The following CNTNAP2 variants were observed in gnomAD, a reference collection of about 807,000 sequenced individuals.
The protein encoded by CNTNAP2 is contactin-associated protein-like 2.
CNTNAP2 carries 98 observed loss-of-function variants against 155.2 expected under a neutral mutation model. The ratio of observed to expected loss-of-function variants is 0.63; its 90% confidence interval spans 0.54 to 0.75. The LOEUF is 0.75. CNTNAP2 is among the 30% of genes least tolerant of loss of function. The pLI is 0.00. For missense variants in CNTNAP2, 1,727 were observed against 1,688.1 expected, an observed-to-expected ratio of 1.02 and a Z score of -0.40; for synonymous variants, 651 against 631.2, an observed-to-expected ratio of 1.03 and a Z score of -0.47.
chr7:146,569,168 C>G (rs557589756), intron 1 of CNTNAP2, among the ~76,000 whole-genome samples: 1 of 152,134 alleles, frequency 6.6e-6, no homozygotes, highest in South Asian at 2.1e-4. Flanking sequence ...AGGCGCCCAC[C>G]ACCACGCCCG....
chr7:147,063,946 T>C (rs972395936), intron 4 of CNTNAP2, among the ~76,000 whole-genome samples: 2 of 152,134 alleles, frequency 1.3e-5, no homozygotes, highest in African/African-American at 2.4e-5. Flanking sequence ...ATATGTAAGT[T>C]AGCTAAGAAT....
chr7:146,613,568 A>G (rs1799175065), intron 1 of CNTNAP2, among the ~76,000 whole-genome samples: 1 of 151,796 alleles, frequency 6.6e-6, no homozygotes, highest in East Asian at 1.9e-4. Context: ...GTAAAAAAAG[A>G]TAAAATTAAT....
intron 8 of CNTNAP2, among the ~76,000 whole-genome samples, chr7:147,190,014 G>A (rs1802650730): frequency 6.6e-6 from 1 of 152,052 alleles, no homozygotes; most frequent in Admixed American, 6.6e-5. Flanking sequence ...AAAGAGCTAG[G>A]ATTACAGGTG....
intron 1 of CNTNAP2, among the ~76,000 whole-genome samples, chr7:146,731,557 T>C (rs1373887938): frequency 6.6e-6 from 1 of 152,090 alleles, no homozygotes; most frequent in African/African-American, 2.4e-5. Context: ...CAAGAAACCT[T>C]TCATAAATCT....
intron 8 of CNTNAP2, among the ~76,000 whole-genome samples, chr7:147,291,291 G>C (rs1230982638): frequency 2.0e-5 from 3 of 151,988 alleles, no homozygotes; most frequent in Non-Finnish European, 4.4e-5. Flanking sequence ...ACATGCATGA[G>C]GTATTTGTCC....
intron 20 of CNTNAP2, among the ~76,000 whole-genome samples, chr7:148,239,215 G>A (rs945110638): frequency 2.6e-5 from 4 of 152,196 alleles, no homozygotes; most frequent in Non-Finnish European, 5.9e-5. Context: ...TTCCCTTCCA[G>A]AAGAACTTTT....
At chr7:146,331,319 A>T (rs866970590) in intron 1 of CNTNAP2, among the ~76,000 whole-genome samples, 28 of 104,120 alleles carry the variant, frequency 2.7e-4, no homozygotes, top group East Asian at 1.5e-3. Flanking sequence ...AAAAAAAAAT[A>T]AAAATAACCA....
intron 1 of CNTNAP2, among the ~76,000 whole-genome samples, chr7:146,258,067 T>C (rs571487182): frequency 6.6e-6 from 1 of 152,076 alleles, no homozygotes; most frequent in African/African-American, 2.4e-5. Flanking sequence ...AATTTTTGTA[T>C]TTTCAGTAGA....
At chr7:147,219,460 G>A (rs557179365) in intron 8 of CNTNAP2, among the ~76,000 whole-genome samples, 7 of 152,262 alleles carry the variant, frequency 4.6e-5, no homozygotes, top group South Asian at 2.1e-4. Flanking sequence ...CTGATGTTCC[G>A]AGGGCAAGAA....
At chr7:148,373,842 G>A (rs1461362197) in intron 21 of CNTNAP2, among the ~76,000 whole-genome samples, 1 of 152,206 alleles carries the variant, frequency 6.6e-6, no homozygotes, top group African/African-American at 2.4e-5. Flanking sequence ...AGGCCTCCCA[G>A]TGGGTCTCCG....
chr7:147,803,409 C>G (rs1473004129), intron 13 of CNTNAP2, among the ~76,000 whole-genome samples: 3 of 152,160 alleles, frequency 2.0e-5, no homozygotes, highest in African/African-American at 4.8e-5. Context: ...GGTCACTCTG[C>G]CCGTGGACCT....
intron 3 of CNTNAP2, among the ~76,000 whole-genome samples, chr7:147,004,205 CAT>C (rs1435736408): frequency 1.9e-5 from 2 of 103,034 alleles, no homozygotes; most frequent in South Asian, 6.1e-4. Context: ...ACTTAAAACT[CAT>C]ATACCAAAAA....
At chr7:148,171,779 A>T (rs555204329) in intron 17 of CNTNAP2, among the ~76,000 whole-genome samples, 1 of 152,346 alleles carries the variant, frequency 6.6e-6, no homozygotes, top group African/African-American at 2.4e-5. Context: ...AAGAACCAAG[A>T]TCTACAATCA....
At chr7:148,212,737 G>A (rs10271824) in intron 18 of CNTNAP2, among the ~76,000 whole-genome samples, 10,057 of 152,210 alleles carry the variant, frequency 0.066, 553 homozygotes, top group African/African-American at 0.15. Flanking sequence ...TTTAGATATT[G>A]CAGTACCCTG....
chr7:148,222,109 G>T (rs945382822), intron 19 of CNTNAP2, among the ~76,000 whole-genome samples: 5 of 152,114 alleles, frequency 3.3e-5, no homozygotes, highest in African/African-American at 9.7e-5. Flanking sequence ...ACAGCCGTGG[G>T]CTTCAGCTTG....
chr7:147,006,634 TCTAAA>T (rs1350351330), intron 3 of CNTNAP2, among the ~76,000 whole-genome samples: 2 of 152,164 alleles, frequency 1.3e-5, no homozygotes, highest in Non-Finnish European at 2.9e-5. Context: ...ATTTATTTTC[TCTAAA>T]CTAAATCTTT....
At chr7:146,582,601 T>A (rs1798628081) in intron 1 of CNTNAP2, among the ~76,000 whole-genome samples, 1 of 152,020 alleles carries the variant, frequency 6.6e-6, no homozygotes, top group African/African-American at 2.4e-5. Flanking sequence ...ATCAAGAGGT[T>A]TTTCACATGG....
At chr7:146,801,805 C>G (rs534130041) in intron 2 of CNTNAP2, among the ~76,000 whole-genome samples, 1 of 151,968 alleles carries the variant, frequency 6.6e-6, no homozygotes, top group Non-Finnish European at 1.5e-5. Flanking sequence ...ATAGCAGATA[C>G]GGTGAATTTT....
At position 147,043,998 on chromosome 7, in the gene CNTNAP2, A is replaced by T; in HGVS notation, c.494A>T (p.Asp165Val). ...CGCTATGTGCGCATAGTGCCTCTGG[A>T]TTGGAATGGAGAAGGTCGCATTGGA... is the stretch of plus-strand genomic sequence containing the variant. ...IARYVRIVPLDWNGEGRIGLR... is the reference protein window; with the variant it reads ...IARYVRIVPLVWNGEGRIGLR... The change falls in exon 4 of 24, where the codon GAT (aspartate) becomes GTT (valine). Residue 165 changes from aspartate to valine, a missense_variant. By Grantham distance (152) the Asp-to-Val change is radical (BLOSUM62 -3). Coordinates refer to ENST00000361727, the MANE Select transcript of CNTNAP2 (RefSeq NM_014141.6). 6.2e-7 allele frequency: 1 copy of T among 1,614,170 alleles called. No homozygotes were observed. Among genetic ancestry groups the T allele is most frequent in the Non-Finnish European group, 8.5e-7 (1 of 1,180,024 alleles).
Sources: allele counts gnomAD v4.1 joint callset (sites outside exome capture counted in the v4.1 genomes callset), GRCh38; gene constraint gnomAD v4.1.1; transcripts MANE v1.5; gene names NCBI Gene and HGNC (gene_info 2026-07-23, HGNC 2026-07-21).